Variants in SUGCT observed in about 807,000 individuals in gnomAD.
SUGCT encodes succinyl-CoA:glutarate CoA-transferase.
SUGCT carries 41 observed loss-of-function variants against 55.0 expected under a neutral mutation model. The observed-to-expected ratio is 0.74, with a 90% CI of 0.58 to 0.97. SUGCT has a LOEUF of 0.97. Ranked by LOEUF, SUGCT falls within the 50% of genes least tolerant of loss-of-function variation. SUGCT has a pLI of 0.00. For missense variants in SUGCT, 568 were observed against 547.8 expected (o/e 1.04, Z -0.37); for synonymous variants, 187 against 200.4 (o/e 0.93, Z 0.56).
chr7:40,406,555 T>C (rs951510836), intron 9 of SUGCT, among the ~76,000 whole-genome samples: 14 of 152,314 alleles, frequency 9.2e-5, no homozygotes, highest in Admixed American at 6.5e-4. Flanking sequence ...ACAGGTCAGA[T>C]TTCTTTCACT....
chr7:40,834,692 C>G (rs1189030364), intron 13 of SUGCT, among the ~76,000 whole-genome samples: 3 of 152,100 alleles, frequency 2.0e-5, no homozygotes, highest in Non-Finnish European at 4.4e-5. Context: ...GGAACCCAGA[C>G]TGGAATTCAG....
At chr7:40,860,825 C>T (rs1794468653), downstream of SUGCT, 1 of 162,312 alleles carries the variant, frequency 6.2e-6, no homozygotes, top group South Asian at 1.9e-4. Context: ...CCCATGCCCT[C>T]ACCAGACCCC....
At chr7:40,176,955 C>T (rs2019838) in intron 1 of SUGCT, among the ~76,000 whole-genome samples, 51,183 of 130,076 alleles carry the variant, frequency 0.39, 10,906 homozygotes, top group Middle Eastern at 0.59. Flanking sequence ...AGTGAGACTC[C>T]GTCTCCAAAA....
At chr7:40,138,920 G>T (rs920246196) in intron 1 of SUGCT, among the ~76,000 whole-genome samples, 3 of 152,004 alleles carry the variant, frequency 2.0e-5, no homozygotes, top group Non-Finnish European at 4.4e-5. Flanking sequence ...TTCTGGTTAT[G>T]AATTTAAAAT....
intron 12 of SUGCT, among the ~76,000 whole-genome samples, chr7:40,639,936 C>G (rs1800195332): frequency 6.6e-6 from 1 of 152,150 alleles, no homozygotes; most frequent in Non-Finnish European, 1.5e-5. Flanking sequence ...TTAAAGTCAT[C>G]TTTCTCTGTC....
At chr7:40,591,546 A>G (rs750248449) in intron 12 of SUGCT, among the ~76,000 whole-genome samples, 1 of 152,210 alleles carries the variant, frequency 6.6e-6, no homozygotes, top group African/African-American at 2.4e-5. Flanking sequence ...AATTGATGCC[A>G]ATTTTGAAAA....
At chr7:40,936,733 AC>A in the SUGCT span, among the ~76,000 whole-genome samples, 1 of 151,922 alleles carries the variant, frequency 6.6e-6, no homozygotes, top group Non-Finnish European at 1.5e-5. Flanking sequence ...AGCTTTCAGA[AC>A]CATAAATCTC....
At chr7:40,791,457 A>G (rs992185175) in intron 13 of SUGCT, among the ~76,000 whole-genome samples, 32 of 152,216 alleles carry the variant, frequency 2.1e-4, no homozygotes, top group Non-Finnish European at 4.1e-4. Flanking sequence ...TATTTTATTC[A>G]GCAAATTCAG....
chr7:40,739,402 G>C (rs973211380), intron 12 of SUGCT, among the ~76,000 whole-genome samples: 65 of 152,156 alleles, frequency 4.3e-4, no homozygotes, highest in Admixed American at 4.3e-3. Flanking sequence ...TAAGATTGAC[G>C]CAGGTTGTTG....
At chr7:40,183,222 G>A (rs922404588) in intron 3 of SUGCT, among the ~76,000 whole-genome samples, 4 of 152,132 alleles carry the variant, frequency 2.6e-5, no homozygotes, top group Non-Finnish European at 4.4e-5. Flanking sequence ...TCAGTGAGCC[G>A]AGGTCGTGCC....
Position 40,512,561 on chromosome 7 carries a change from T to A in SUGCT, c.1089+16175T>A, listed in dbSNP as rs185043320. On this transcript the variant is annotated intron_variant, in intron 12 of 13. Transcript: ENST00000335693. ...TCAACTTCTATATGCCTCAGTTTTCTTTAAATATTTATTTATTTTAATGAT... is the reference window on the plus strand; with the variant it reads ...TCAACTTCTATATGCCTCAGTTTTCATTAAATATTTATTTATTTTAATGAT... Among the ~76,000 whole-genome samples the A allele has an allele frequency of 9.8e-5, 15 of 152,340 alleles. No individual in the cohort carries two copies. In the East Asian group the frequency reaches 2.9e-3, roughly 29 times the overall value.
chr7:40,163,833 T>C (rs1403947209), intron 1 of SUGCT, among the ~76,000 whole-genome samples: 1 of 151,846 alleles, frequency 6.6e-6, no homozygotes, highest in Non-Finnish European at 1.5e-5. Context: ...AATTTTTTTT[T>C]TTTTTTTAGA....
chr7:40,953,214 A>C, the SUGCT span, among the ~76,000 whole-genome samples: 4 of 152,264 alleles, frequency 2.6e-5, no homozygotes, highest in Admixed American at 2.6e-4. Context: ...ATCTTCAATC[A>C]CTGATACCCT....
the SUGCT span, among the ~76,000 whole-genome samples, chr7:41,032,978 G>A: frequency 1.3e-5 from 2 of 152,266 alleles, no homozygotes; most frequent in South Asian, 2.1e-4. Context: ...TGGCCAGGAT[G>A]GTCTCGATCT....
At chr7:40,176,240 AT>A (rs201676855) in intron 1 of SUGCT, among the ~76,000 whole-genome samples, 15 of 149,178 alleles carry the variant, frequency 1.0e-4, no homozygotes, top group African/African-American at 3.8e-4. Context: ...AAAAAAAAAA[AT>A]TTAGTGAGTA....
At chr7:40,720,787 A>C (rs2128684340) in intron 12 of SUGCT, among the ~76,000 whole-genome samples, 1 of 152,306 alleles carries the variant, frequency 6.6e-6, no homozygotes, top group South Asian at 2.1e-4. Context: ...TGCATCCCTT[A>C]CGTATCATCT....
the SUGCT span, among the ~76,000 whole-genome samples, chr7:40,882,378 A>T: frequency 1.3e-5 from 2 of 152,170 alleles, no homozygotes. Flanking sequence ...CAGGTTATAA[A>T]GAGGATCATC....
chr7:41,022,072 TTAAAG>T, the SUGCT span, among the ~76,000 whole-genome samples: 367 of 152,208 alleles, frequency 2.4e-3, 8 homozygotes, highest in East Asian at 0.063. Context: ...TTGGAATTGA[TTAAAG>T]TAATCAGTTC....
At chr7:40,245,791 A>G (rs1374484661) in intron 7 of SUGCT, among the ~76,000 whole-genome samples, 1 of 151,988 alleles carries the variant, frequency 6.6e-6, no homozygotes, top group Non-Finnish European at 1.5e-5. Context: ...GGCATACAGT[A>G]TATAATAATC....
Sources: allele counts gnomAD v4.1 joint callset (sites outside exome capture counted in the v4.1 genomes callset), GRCh38; gene constraint gnomAD v4.1.1; transcripts MANE v1.5; gene names NCBI Gene and HGNC (gene_info 2026-07-23, HGNC 2026-07-21).